CHD1L: variants seen among roughly 807,000 people sequenced by gnomAD.
The protein encoded by CHD1L is chromodomain helicase DNA binding protein 1 like, also known as ATP-dependent chromatin remodeler CHD1L.
In CHD1L, 118 loss-of-function variants were observed where a neutral mutation model predicts 115.9. The ratio of observed to expected loss-of-function variants is 1.02; its 90% confidence interval spans 0.88 to 1.19. CHD1L has a LOEUF of 1.19. Ranked by LOEUF, CHD1L falls within the 50% of genes most tolerant of loss-of-function variation. CHD1L has a pLI of 0.00. For synonymous variants in CHD1L, 411 were observed against 387.1 expected, an observed-to-expected ratio of 1.06 and a Z score of -0.72; for missense variants, 1,179 against 1,065.3, an observed-to-expected ratio of 1.11 and a Z score of -1.49.
chr1:147,272,505 G>T, intron 12 of CHD1L: 1 of 400,646 alleles, frequency 2.5e-6, no homozygotes, highest in Non-Finnish European at 4.4e-6. Context: ...TTATTGGAAA[G>T]TAATTCTAAT....
intron 1 of CHD1L, among the ~76,000 whole-genome samples, chr1:147,251,598 G>A (rs1288772352): frequency 5.9e-5 from 9 of 152,038 alleles, no homozygotes; most frequent in African/African-American, 9.6e-5. Flanking sequence ...GCGCGATCTC[G>A]GCTTACTACA....
At chr1:147,282,837 T>G (rs1011793817) in intron 15 of CHD1L, among the ~76,000 whole-genome samples, 5 of 152,204 alleles carry the variant, frequency 3.3e-5, no homozygotes, top group African/African-American at 1.2e-4. Context: ...TTACTTTATT[T>G]AGACAGTCCA....
the CHD1L span, chr1:147,224,879 T>C: frequency 6.2e-7 from 1 of 1,612,570 alleles, no homozygotes; most frequent in Non-Finnish European, 8.5e-7. Flanking sequence ...ATTAAGGGAC[T>C]AGGAGATGTA....
chr1:147,273,600 C>T (rs1294537752), intron 12 of CHD1L, among the ~76,000 whole-genome samples: 1 of 152,190 alleles, frequency 6.6e-6, no homozygotes, highest in Non-Finnish European at 1.5e-5. Context: ...AAGAATCAGG[C>T]AGTGCATCAT....
intron 18 of CHD1L, among the ~76,000 whole-genome samples, 153 bp downstream of exon 18, chr1:147,286,653 A>C (rs1683251220): frequency 1.3e-5 from 2 of 152,178 alleles, no homozygotes. Flanking sequence ...ATATTCCAGA[A>C]TCATTTCACT....
the CHD1L span, among the ~76,000 whole-genome samples, chr1:147,230,974 T>C: frequency 1.3e-5 from 2 of 152,252 alleles, no homozygotes; most frequent in Middle Eastern, 3.4e-3. Context: ...GATTCATTGA[T>C]TTTTTGAAGG....
the CHD1L span, chr1:147,184,521 G>A: frequency 5.2e-6 from 8 of 1,547,570 alleles, no homozygotes; most frequent in Non-Finnish European, 7.0e-6. The surrounding 1 kb of genome is among the most constrained non-coding windows in gnomAD (Gnocchi z 4.4). Context: ...TTTATTCCGG[G>A]ACAATTTCTC....
the CHD1L span, chr1:147,203,656 A>G: frequency 1.6e-4 from 223 of 1,408,524 alleles, no homozygotes; most frequent in Non-Finnish European, 2.2e-4. Flanking sequence ...ATGTCTCTCC[A>G]TATGATGTGA....
At position 147,295,741 on chromosome 1, in the gene CHD1L, A is replaced by G. The variant is rs1003861578; in HGVS notation, c.*232A>G. The G allele has an allele frequency of 1.9e-5, 10 of 513,142 alleles. No individual in the cohort carries two copies. Among genetic ancestry groups the G allele is most frequent in the Non-Finnish European group, 3.4e-5 (10 of 295,734 alleles). 31.8% of individuals were successfully genotyped at this position (513,142 alleles called of 1,614,324 possible). A position where few individuals can be genotyped will look rare whatever the true frequency, so the allele number is the denominator to read the frequency against. On this transcript the variant is annotated 3_prime_UTR_variant, in exon 23 of 23. Transcript: ENST00000369258. ...TTGACCCCAGCTTGCTAGTTGCATA[A>G]TAATAAATTTTCTGTTCCTAATGGT...
At chr1:147,186,550 G>A in the CHD1L span, 2 of 1,013,552 alleles carry the variant, frequency 2.0e-6, no homozygotes, top group African/African-American at 3.4e-5. Context: ...TACCGATGCT[G>A]ACTTACTCTC....
chr1:147,291,199 G>GC (rs1284797246), intron 19 of CHD1L, among the ~76,000 whole-genome samples: 2 of 152,104 alleles, frequency 1.3e-5, no homozygotes, highest in African/African-American at 2.4e-5. Flanking sequence ...CCTCCCCAAA[G>GC]CCCCCCAGCT....
the CHD1L span, chr1:147,184,405 A>G: frequency 9.9e-6 from 13 of 1,317,328 alleles, no homozygotes; most frequent in African/African-American, 1.5e-5. This position sits in a 1 kb window ranked among gnomAD's most constrained non-coding sequence, Gnocchi z 4.4. Context: ...ACCAAAATGC[A>G]TACTTTATTA....
At chr1:147,205,406 C>A in the CHD1L span, among the ~76,000 whole-genome samples, 1 of 151,916 alleles carries the variant, frequency 6.6e-6, no homozygotes, top group East Asian at 1.9e-4. Context: ...TTGATGTGAC[C>A]CACTAAGATC....
the CHD1L span, chr1:147,223,669 T>C: frequency 6.2e-6 from 1 of 161,584 alleles, no homozygotes; most frequent in Non-Finnish European, 1.4e-5. Context: ...CTAAGAATTT[T>C]GGCATTGGAC....
intron 16 of CHD1L, 105 bp from the exon 17 acceptor site, chr1:147,285,219 C>T: frequency 7.8e-7 from 1 of 1,284,676 alleles, no homozygotes; most frequent in Non-Finnish European, 1.1e-6. Flanking sequence ...ATGCAGTGTT[C>T]TGTGGAATAT....
Position 147,255,905 on chromosome 1 carries a change from A to T in CHD1L, c.440A>T (p.His147Leu). The T allele has an allele frequency of 6.2e-7, 1 of 1,613,414 alleles. No individual in the cohort carries two copies. The highest frequency in any genetic ancestry group is 8.5e-7 in the Non-Finnish European group (1 of 1,179,516). The change falls in exon 4 of 23, where the codon CAT becomes CTT. Residue 147 changes from histidine (H) to leucine (L), a missense_variant. Transcript: ENST00000369258. Reference protein sequence around the residue: ...QQDLKQESRFHVLLTTYEICL... With the variant: ...QQDLKQESRFLVLLTTYEICL... Reference sequence around the variant, plus strand: ...GACCTGAAACAGGAGTCACGTTTTCATGTGCTACTGACTACCTATGAGGTA... The same window carrying T: ...GACCTGAAACAGGAGTCACGTTTTCTTGTGCTACTGACTACCTATGAGGTA...
At chr1:147,234,494 A>C in the CHD1L span, among the ~76,000 whole-genome samples, 1 of 152,240 alleles carries the variant, frequency 6.6e-6, no homozygotes, top group East Asian at 1.9e-4. Flanking sequence ...AAAGACATCC[A>C]TGTCCTAAGC....
the CHD1L span, among the ~76,000 whole-genome samples, chr1:147,197,740 A>G: frequency 6.6e-6 from 1 of 152,148 alleles, no homozygotes; most frequent in African/African-American, 2.4e-5. Context: ...GAAACTACTC[A>G]GCCTCAGGCA....
intron 10 of CHD1L, 28 bp downstream of exon 10, chr1:147,268,906 C>T: frequency 6.5e-7 from 1 of 1,538,670 alleles, no homozygotes; most frequent in Non-Finnish European, 9.0e-7. Context: ...ATTTGCTGCT[C>T]TGAGCTAATG....
Sources: gnomAD v4.1 joint callset for allele counts (sites outside exome capture counted in the v4.1 genomes callset) on GRCh38, gnomAD v4.1.1 for gene constraint, Gnocchi (gnomAD v3.1) non-coding constraint, MANE v1.5 for transcripts, NCBI Gene and HGNC (gene_info 2026-07-23, HGNC 2026-07-21) for gene names.